Variants in C3orf22 observed in about 807,000 individuals in gnomAD.
C3orf22 encodes chromosome 3 open reading frame 22, also known as uncharacterized protein C3orf22.
C3orf22 carries 7 observed loss-of-function variants against 10.8 expected under a neutral mutation model. That is an observed-to-expected ratio of 0.65 (90% CI 0.37 to 1.22). The LOEUF (loss-of-function observed/expected upper bound fraction) is 1.22. C3orf22 is among the 50% of genes most tolerant of loss of function. C3orf22 has a pLI of 0.02. For synonymous variants in C3orf22, 79 were observed against 78.9 expected, an observed-to-expected ratio of 1.00 and a Z score of 0.00; for missense variants, 173 against 177.0, an observed-to-expected ratio of 0.98 and a Z score of 0.13.
chr3:126,556,781 T>A (rs4679261), intron 1 of C3orf22, among the ~76,000 whole-genome samples: 139,379 of 147,366 alleles, frequency 0.95, 65,926 homozygotes, highest in East Asian at 0.99. Flanking sequence ...ACTCACACAC[T>A]CAGACTCACA....
In C3orf22 at chr3:126,531,604, C is replaced by T. The variant is rs1055029223; in HGVS notation, c.287-2232G>A. On this transcript the variant is annotated intron_variant and NMD_transcript_variant, in intron 4 of 5. Transcript: ENST00000505070. The stretch of plus-strand genomic sequence containing the variant: ...GTCTGGCTCCTTTCACTTAACATAA[C>T]GTTTACAAGGTTCAGCCACACGGAA... 6.6e-5 allele frequency among the ~76,000 whole-genome samples: 10 copies of T among 152,322 alleles called. No individual in the cohort carries two copies. The East Asian group carries it at 1.5e-3, about 23-fold the overall frequency.
downstream of C3orf22, among the ~76,000 whole-genome samples, chr3:126,547,016 A>G (rs1017819763): frequency 6.6e-6 from 1 of 152,212 alleles, no homozygotes; most frequent in African/African-American, 2.4e-5. Flanking sequence ...GCCGACATGA[A>G]TGTTGTTGCA....
At chr3:126,545,848 G>T (rs1937058723), downstream of C3orf22, among the ~76,000 whole-genome samples, 1 of 152,244 alleles carries the variant, frequency 6.6e-6, no homozygotes, top group South Asian at 2.1e-4. Context: ...GGGGCTGAGG[G>T]CTGGTGGGAC....
At chr3:126,550,823 C>T (rs1937165298) in intron 3 of C3orf22, among the ~76,000 whole-genome samples, 1 of 152,256 alleles carries the variant, frequency 6.6e-6, no homozygotes, top group Non-Finnish European at 1.5e-5. Flanking sequence ...CCCACTGCCC[C>T]CTTCAGCTCC....
chr3:126,527,953 C>T (rs113902142), intron 5 of C3orf22: 13 of 152,072 alleles, frequency 8.5e-5, no homozygotes, highest in African/African-American at 2.9e-4. Flanking sequence ...GATTTAAATC[C>T]CAGCTGAAAC....
intron 4 of C3orf22, among the ~76,000 whole-genome samples, chr3:126,537,447 T>A (rs946895943): frequency 6.6e-6 from 1 of 152,182 alleles, no homozygotes; most frequent in Non-Finnish European, 1.5e-5. Flanking sequence ...TACTGCTGTG[T>A]AGAGAAGGAT....
intron 1 of C3orf22, among the ~76,000 whole-genome samples, chr3:126,554,528 T>C (rs1440723521): frequency 2.0e-5 from 3 of 152,036 alleles, no homozygotes; most frequent in Non-Finnish European, 4.4e-5. Context: ...CCTCCCAAAG[T>C]GTTGGGATTA....
chr3:126,552,024 A>G lies in C3orf22; in HGVS notation c.188T>C (p.Val63Ala), dbSNP rs752026200. 47 of 1,613,388 alleles carry G rather than the reference A, an allele frequency of 2.9e-5. No individual in the cohort carries two copies. The highest frequency in any genetic ancestry group is 3.7e-5 in the Non-Finnish European group (44 of 1,179,710). ...TVQLPLQKRL[V>A]PTRSIPVRGL... ...TCGGACTGGGATGGACCTCGTTGGCACCAACCTCTTCTGCAGGGGCAGCTG... is the reference window on the plus strand; with the variant it reads ...TCGGACTGGGATGGACCTCGTTGGCGCCAACCTCTTCTGCAGGGGCAGCTG... Residue 63 changes from valine (V) to alanine (A), a missense_variant, in exon 3 of 4, where the codon GTG (valine) becomes GCG (alanine). Transcript: ENST00000318225.
downstream of C3orf22, among the ~76,000 whole-genome samples, chr3:126,548,361 CAG>C (rs1217220963): frequency 6.6e-6 from 1 of 152,174 alleles, no homozygotes; most frequent in African/African-American, 2.4e-5. Flanking sequence ...ACGAGGGACT[CAG>C]GGTGTGGTGA....
chr3:126,542,372 G>A (rs1449214439), intron 4 of C3orf22: 3 of 1,560,038 alleles, frequency 1.9e-6, no homozygotes, highest in Admixed American at 1.9e-5. Context: ...GGCGGAGGAC[G>A]CGGCCTTCGT....
intron 4 of C3orf22, among the ~76,000 whole-genome samples, chr3:126,530,947 A>G (rs1231951980): frequency 6.6e-6 from 1 of 152,238 alleles, no homozygotes; most frequent in Non-Finnish European, 1.5e-5. Flanking sequence ...TGAGGCAGGC[A>G]GGGGGCAGCA....
At chr3:126,556,957 GAC>G (rs998839785) in intron 1 of C3orf22, among the ~76,000 whole-genome samples, 3 of 148,170 alleles carry the variant, frequency 2.0e-5, no homozygotes, top group Non-Finnish European at 4.5e-5. Context: ...CATACACACA[GAC>G]ACACATAGAT....
At chr3:126,541,092 T>C (rs1936948911) in intron 4 of C3orf22, among the ~76,000 whole-genome samples, 2 of 152,152 alleles carry the variant, frequency 1.3e-5, no homozygotes, top group African/African-American at 2.4e-5. Context: ...GCTCCGGACC[T>C]AATTCGGAGA....
At chr3:126,549,264 C>T (rs1313139458), downstream of C3orf22, among the ~76,000 whole-genome samples, 1 of 121,882 alleles carries the variant, frequency 8.2e-6, no homozygotes, top group Admixed American at 7.9e-5. Context: ...CCCCCCCCCA[C>T]ACACACACAT....
chr3:126,529,224 C>G (rs755234123), exon 5 of C3orf22: 222 of 955,136 alleles, frequency 2.3e-4, no homozygotes, highest in Non-Finnish European at 3.2e-4. Flanking sequence ...TGGTGTTTCA[C>G]CCGGTATCTT....
chr3:126,534,010 A>G (rs1231221713), intron 4 of C3orf22, among the ~76,000 whole-genome samples: 2 of 152,140 alleles, frequency 1.3e-5, no homozygotes, highest in Admixed American at 1.3e-4. Flanking sequence ...TTGGGCTACA[A>G]TTGTTCAGAG....
intron 4 of C3orf22, among the ~76,000 whole-genome samples, chr3:126,540,463 C>G (rs1936935011): frequency 6.6e-6 from 1 of 152,142 alleles, no homozygotes; most frequent in Non-Finnish European, 1.5e-5. Flanking sequence ...GCTCTAGGGA[C>G]CTCACTAAGT....
chr3:126,556,568 C>A (rs1255876648), intron 1 of C3orf22, among the ~76,000 whole-genome samples: 1 of 152,078 alleles, frequency 6.6e-6, no homozygotes, highest in Non-Finnish European at 1.5e-5. Context: ...GCTGCAAACG[C>A]CCCAGCCTCA....
At chr3:126,544,222 G>C (rs1042126121) in intron 4 of C3orf22, among the ~76,000 whole-genome samples, 7 of 152,280 alleles carry the variant, frequency 4.6e-5, no homozygotes, top group African/African-American at 1.4e-4. Flanking sequence ...ACCTGAGGTA[G>C]TGTACTCAGC....
Sources: gnomAD v4.1 joint callset for allele counts (sites outside exome capture counted in the v4.1 genomes callset) on GRCh38, gnomAD v4.1.1 for gene constraint, MANE v1.5 for transcripts, NCBI Gene and HGNC (gene_info 2026-07-23, HGNC 2026-07-21) for gene names.